HDDC2: variants seen among roughly 807,000 people sequenced by gnomAD.
HDDC2 encodes the protein 5'-deoxynucleotidase HDDC2.
HDDC2 carries 25 observed loss-of-function variants against 25.5 expected under a neutral mutation model. That is an observed-to-expected ratio of 0.98 (90% CI 0.72 to 1.37). HDDC2 has a LOEUF of 1.37. HDDC2 is among the 40% of genes most tolerant of loss of function. HDDC2 has a pLI of 0.00. For missense variants in HDDC2, 264 were observed against 253.1 expected (o/e 1.04, Z -0.29); for synonymous variants, 106 against 89.7 (o/e 1.18, Z -1.03).
At chr6:125,295,125 G>A (rs1030169020) in intron 3 of HDDC2, among the ~76,000 whole-genome samples, 1 of 152,164 alleles carries the variant, frequency 6.6e-6, no homozygotes, top group Non-Finnish European at 1.5e-5. Flanking sequence ...GTACACAGCT[G>A]AGTATGCCAG....
Position 125,297,788 on chromosome 6 carries a change from AG to A in HDDC2, c.309+925del, listed in dbSNP as rs375384249. The stretch of plus-strand genomic sequence containing the variant: ...AAACCAACCACTCAGCATTCAAAAA[AG>A]GCTTCCTTCATTTTCCAGCTTCTGC... On this transcript the variant is annotated intron_variant, in intron 3 of 5. Coordinates refer to ENST00000398153, the MANE Select transcript of HDDC2 (RefSeq NM_016063.3). 1.2e-3 allele frequency among the ~76,000 whole-genome samples: 185 copies of A among 152,320 alleles called. 1 individual carries two copies. Among genetic ancestry groups the A allele is most frequent in the African/African-American group, 4.4e-3 (181 of 41,576 alleles).
intron 4 of HDDC2, among the ~76,000 whole-genome samples, chr6:125,287,682 G>C (rs79391783): frequency 0.031 from 4,684 of 152,256 alleles, 216 homozygotes; most frequent in African/African-American, 0.11. Context: ...AGCACAGGAG[G>C]GGTGTGGAGA....
rs549794917 is a variant in HDDC2 at position 125,291,665 on chromosome 6, A to G, written c.378+1176T>C. ...GGATAAGGGTGTGGGAACCTGTATG[A>G]TTCTCATTTTCTAGAGGAGAAAATG... On this transcript the variant is annotated intron_variant, in intron 4 of 5. Transcript: ENST00000398153. Among the ~76,000 whole-genome samples, 5 of 152,288 alleles carry G rather than the reference A, an allele frequency of 3.3e-5. No individual in the cohort carries two copies. The East Asian group carries it at 9.7e-4, about 29-fold the overall frequency.
At chr6:125,296,011 A>G (rs1798701303) in intron 3 of HDDC2, among the ~76,000 whole-genome samples, 1 of 152,084 alleles carries the variant, frequency 6.6e-6, no homozygotes, top group Admixed American at 6.5e-5. Flanking sequence ...TTTCATCTTA[A>G]TACCTACTTT....
chr6:125,299,361 C>T (rs893355073), intron 2 of HDDC2, among the ~76,000 whole-genome samples: 13 of 151,966 alleles, frequency 8.6e-5, no homozygotes, highest in African/African-American at 2.4e-4. Flanking sequence ...CCAGCCTGGG[C>T]GACAGAGTGA....
chr6:125,293,043 G>A (rs1798655178), intron 3 of HDDC2, 134 bp from the exon 4 acceptor site: 1 of 740,906 alleles, frequency 1.3e-6, no homozygotes, highest in Non-Finnish European at 2.4e-6. Context: ...GCCTATACTG[G>A]ACAATATTTA....
chr6:125,292,079 ATATG>A (rs1798639762), intron 4 of HDDC2, among the ~76,000 whole-genome samples: 1 of 152,142 alleles, frequency 6.6e-6, no homozygotes, highest in Non-Finnish European at 1.5e-5. Context: ...AGGAGGATGA[ATATG>A]GACTTTGAAG....
chr6:125,288,199 C>A (rs761824623), intron 4 of HDDC2, among the ~76,000 whole-genome samples: 14 of 152,116 alleles, frequency 9.2e-5, no homozygotes, highest in Admixed American at 2.6e-4. Flanking sequence ...AGAATACTTG[C>A]TATAAAATCA....
At chr6:125,299,318 G>T (rs1274209734) in intron 2 of HDDC2, among the ~76,000 whole-genome samples, 1 of 152,216 alleles carries the variant, frequency 6.6e-6, no homozygotes, top group Non-Finnish European at 1.5e-5. Flanking sequence ...GGGAGGTGGA[G>T]GTTGTAGTTG....
At position 125,301,161 on chromosome 6, in the gene HDDC2, A is replaced by C. The variant is rs561311408; in HGVS notation, c.85-502T>G. On this transcript the variant is annotated intron_variant, in intron 1 of 5. Transcript: ENST00000398153. ...ATTCACATCATAACTTCATCTTGTG[A>C]AACTGCATTTCTTCCTCAGAATTCT... Among the ~76,000 whole-genome samples, 14 of 152,270 alleles carry C rather than the reference A, an allele frequency of 9.2e-5. No homozygotes were observed. The South Asian group carries it at 2.9e-3, about 32-fold the overall frequency.
chr6:125,290,010 A>G (rs1798606578), intron 4 of HDDC2, among the ~76,000 whole-genome samples: 1 of 152,254 alleles, frequency 6.6e-6, no homozygotes, highest in South Asian at 2.1e-4. Flanking sequence ...ATAAATTATA[A>G]TCAAGGATGT....
chr6:125,277,353 A>G (rs1798385660), intron 4 of HDDC2, 113 bp from the exon 5 acceptor site: 3 of 955,508 alleles, frequency 3.1e-6, no homozygotes, highest in Non-Finnish European at 4.8e-6. Flanking sequence ...TACATTCTGT[A>G]TCGGCCCCAT....
chr6:125,277,997 T>C (rs2115099807), intron 4 of HDDC2: 1 of 152,322 alleles, frequency 6.6e-6, no homozygotes, highest in South Asian at 2.1e-4. Context: ...TCCCAATTAA[T>C]ACTATATAGA....
chr6:125,276,272 C>G (rs1229002616), intron 5 of HDDC2, 29 bp from the exon 6 acceptor site: 11 of 1,494,350 alleles, frequency 7.4e-6, no homozygotes, highest in Non-Finnish European at 1.0e-5. Flanking sequence ...GGGAAAAATA[C>G]ATTCCCATAT....
At chr6:125,280,633 C>A (rs990056455) in intron 4 of HDDC2, among the ~76,000 whole-genome samples, 3 of 152,368 alleles carry the variant, frequency 2.0e-5, no homozygotes, top group Admixed American at 6.5e-5. Flanking sequence ...CACCACATCG[C>A]TGCAAAGCCG....
At chr6:125,285,144 T>A (rs1352731644) in intron 4 of HDDC2, among the ~76,000 whole-genome samples, 1 of 102,830 alleles carries the variant, frequency 9.7e-6, no homozygotes, top group Non-Finnish European at 1.8e-5. Context: ...GAGGGGAACA[T>A]CACACACTGG....
At chr6:125,279,657 A>C (rs1367129562) in intron 4 of HDDC2, among the ~76,000 whole-genome samples, 2 of 152,206 alleles carry the variant, frequency 1.3e-5, no homozygotes, top group Non-Finnish European at 2.9e-5. Context: ...CAATTTAAAA[A>C]TAAATAAATT....
chr6:125,280,643 G>C (rs9482632), intron 4 of HDDC2, among the ~76,000 whole-genome samples: 1 of 152,166 alleles, frequency 6.6e-6, no homozygotes, highest in Non-Finnish European at 1.5e-5. Context: ...CTGCAAAGCC[G>C]CCGTAGCAAG....
At chr6:125,282,685 T>C (rs1331125214) in intron 4 of HDDC2, among the ~76,000 whole-genome samples, 2 of 152,154 alleles carry the variant, frequency 1.3e-5, no homozygotes, top group African/African-American at 4.8e-5. Context: ...TAAATGTAAA[T>C]GGGCTAAATG....
Sources: allele counts gnomAD v4.1 joint callset (sites outside exome capture counted in the v4.1 genomes callset), GRCh38; gene constraint gnomAD v4.1.1; transcripts MANE v1.5; gene names NCBI Gene and HGNC (gene_info 2026-07-23, HGNC 2026-07-21).